The following KHDC1 variants were observed in gnomAD, a reference collection of about 807,000 sequenced individuals.
KHDC1 encodes the protein KH homology domain-containing protein 1.
A neutral mutation model predicts 24.7 loss-of-function variants in KHDC1; 21 were observed. The observed-to-expected ratio is 0.85, with a 90% CI of 0.60 to 1.23. KHDC1 has a LOEUF of 1.23. Among genes scored for constraint, KHDC1 ranks in the 50% most tolerant of loss-of-function variants. The pLI is 0.00. For missense variants in KHDC1, 274 were observed against 298.5 expected, an observed-to-expected ratio of 0.92 and a Z score of 0.61; for synonymous variants, 98 against 111.7, an observed-to-expected ratio of 0.88 and a Z score of 0.77.
intron 2 of KHDC1, among the ~76,000 whole-genome samples, chr6:73,246,937 T>C (rs1429309645): frequency 1.3e-5 from 2 of 152,028 alleles, no homozygotes; most frequent in Non-Finnish European, 2.9e-5. Flanking sequence ...ATTTTGCACA[T>C]TGGGCTTGAA....
intron 2 of KHDC1, among the ~76,000 whole-genome samples, chr6:73,258,577 A>G (rs1468939653): frequency 1.3e-5 from 2 of 152,256 alleles, no homozygotes; most frequent in African/African-American, 4.8e-5. Flanking sequence ...TCTGCATCAC[A>G]GCTCATGCTG....
At chr6:73,255,797 G>T (rs1176893382) in intron 2 of KHDC1, among the ~76,000 whole-genome samples, 1 of 151,118 alleles carries the variant, frequency 6.6e-6, no homozygotes, top group African/African-American at 2.4e-5. Context: ...AGCTACTCAC[G>T]AGGCTGAGAC....
At chr6:73,287,091 C>G (rs768841578) in intron 2 of KHDC1, among the ~76,000 whole-genome samples, 1 of 152,048 alleles carries the variant, frequency 6.6e-6, no homozygotes, top group Non-Finnish European at 1.5e-5. Context: ...AGACTATATA[C>G]GGCAAATAGT....
chr6:73,297,382 A>G (rs73462537), intron 1 of KHDC1, among the ~76,000 whole-genome samples: 7,712 of 151,884 alleles, frequency 0.051, 501 homozygotes, highest in African/African-American at 0.15. Context: ...ACTGCTTTTT[A>G]TTTTTAAATG....
intron 2 of KHDC1, among the ~76,000 whole-genome samples, chr6:73,260,890 A>T (rs1306057342): frequency 6.6e-6 from 1 of 151,824 alleles, no homozygotes. Context: ...ACATTTGCCC[A>T]TTTCTCTGTA....
intron 2 of KHDC1, among the ~76,000 whole-genome samples, chr6:73,252,238 C>T (rs761010959): frequency 6.6e-6 from 1 of 151,844 alleles, no homozygotes; most frequent in Non-Finnish European, 1.5e-5. Context: ...AGATGGGGGT[C>T]TCCCTATGTT....
At chr6:73,297,099 C>T (rs933944894) in intron 1 of KHDC1, among the ~76,000 whole-genome samples, 1 of 152,030 alleles carries the variant, frequency 6.6e-6, no homozygotes, top group African/African-American at 2.4e-5. Context: ...TGAGGTTTTG[C>T]CACGTTGGCC....
chr6:73,303,312 G>T (rs1482226741), intron 1 of KHDC1, among the ~76,000 whole-genome samples: 1 of 151,982 alleles, frequency 6.6e-6, no homozygotes, highest in African/African-American at 2.4e-5. Flanking sequence ...TTCCATGAAG[G>T]TTCCCATTGA....
chr6:73,281,613 G>T (rs1221780001), intron 2 of KHDC1, among the ~76,000 whole-genome samples: 1 of 120,944 alleles, frequency 8.3e-6, no homozygotes. Context: ...GTGAAACTTC[G>T]TCTCAAAAAA....
intron 2 of KHDC1, chr6:73,268,827 C>G (rs1361543698): frequency 1.3e-5 from 2 of 153,190 alleles, no homozygotes; most frequent in Non-Finnish European, 2.9e-5. Flanking sequence ...GATCCTGCAC[C>G]AGGGCTGCAG....
At chr6:73,272,373 C>T (rs998380509) in intron 2 of KHDC1, among the ~76,000 whole-genome samples, 58 of 136,554 alleles carry the variant, frequency 4.2e-4, no homozygotes, top group African/African-American at 1.6e-3. Flanking sequence ...CCTTGTGATC[C>T]GCCCACCCAC....
At chr6:73,302,218 G>T (rs1767889721) in intron 1 of KHDC1, among the ~76,000 whole-genome samples, 2 of 152,174 alleles carry the variant, frequency 1.3e-5, no homozygotes, top group South Asian at 4.1e-4. Context: ...GAAGCCAGGA[G>T]GTGGAGGTTG....
chr6:73,302,934 G>A (rs1411259866), intron 1 of KHDC1, among the ~76,000 whole-genome samples: 1 of 152,144 alleles, frequency 6.6e-6, no homozygotes, highest in Non-Finnish European at 1.5e-5. Context: ...AAAATTAGCT[G>A]GGTGTGATGG....
At chr6:73,307,320 C>T (rs1312353830) in intron 1 of KHDC1, among the ~76,000 whole-genome samples, 2 of 151,496 alleles carry the variant, frequency 1.3e-5, no homozygotes, top group Non-Finnish European at 1.5e-5. Flanking sequence ...CCCAGCTACT[C>T]GGGAGGCTGG....
At chr6:73,310,033 C>G in exon 1 of KHDC1, 3 of 299,366 alleles carry the variant, frequency 1.0e-5, no homozygotes, top group South Asian at 3.7e-5. Flanking sequence ...CATCTTTGGG[C>G]CTTGATCGTT....
intron 2 of KHDC1, among the ~76,000 whole-genome samples, chr6:73,247,987 C>T (rs928287034): frequency 6.6e-6 from 1 of 152,100 alleles, no homozygotes. Context: ...CACCAGGTGG[C>T]CCTGGGAAAA....
intron 2 of KHDC1, chr6:73,274,297 A>AT (rs1440810342): frequency 1.3e-5 from 2 of 152,224 alleles, no homozygotes; most frequent in Non-Finnish European, 2.9e-5. Flanking sequence ...CTGGACTCTC[A>AT]TCCCAGTCCA....
intron 1 of KHDC1, chr6:73,292,158 T>G: frequency 6.5e-7 from 1 of 1,548,358 alleles, no homozygotes; most frequent in East Asian, 2.2e-5. Flanking sequence ...TCTGATGATA[T>G]TCCTCATGCT....
chr6:73,294,972 A>G (rs1391901341), intron 1 of KHDC1, among the ~76,000 whole-genome samples: 2 of 152,190 alleles, frequency 1.3e-5, no homozygotes, highest in Middle Eastern at 6.8e-3. Context: ...TGGTCAACAT[A>G]GCAAAACCCT....
Sources: allele counts gnomAD v4.1 joint callset (sites outside exome capture counted in the v4.1 genomes callset), GRCh38; gene constraint gnomAD v4.1.1; transcripts MANE v1.5; gene names NCBI Gene and HGNC (gene_info 2026-07-23, HGNC 2026-07-21).